The following WDR72 variants were observed in gnomAD, a reference collection of about 807,000 sequenced individuals.
WDR72 encodes WD repeat-containing protein 72.
In WDR72, 120 loss-of-function variants were observed where a neutral mutation model predicts 124.2. The ratio of observed to expected loss-of-function variants is 0.97; its 90% CI spans 0.83 to 1.12. The LOEUF (loss-of-function observed/expected upper bound fraction) is 1.12, where lower values mean the gene tolerates loss of function less well. Among genes scored for constraint, WDR72 ranks in the 50% most tolerant of loss-of-function variants. The pLI is 0.00. For missense variants in WDR72, 1,387 were observed against 1,278.8 expected (o/e 1.08, Z -1.29); for synonymous variants, 452 against 441.7 (o/e 1.02, Z -0.29).
intron 17 of WDR72, among the ~76,000 whole-genome samples, chr15:53,605,938 T>A (rs927283598): frequency 6.6e-6 from 1 of 152,190 alleles, no homozygotes; most frequent in Non-Finnish European, 1.5e-5. Context: ...GCAATACTCA[T>A]TTCCATTTTA....
chr15:53,697,516 T>C (rs2017039556), intron 13 of WDR72, among the ~76,000 whole-genome samples: 1 of 152,192 alleles, frequency 6.6e-6, no homozygotes, highest in African/African-American at 2.4e-5. Flanking sequence ...ACAACAATGT[T>C]TTCTCCTCTT....
At chr15:53,526,145 G>A (rs1052712585) in intron 18 of WDR72, among the ~76,000 whole-genome samples, 13 of 151,878 alleles carry the variant, frequency 8.6e-5, no homozygotes, top group Non-Finnish European at 1.2e-4. Context: ...GACTGTGAGG[G>A]GTAAAGACAT....
At chr15:53,576,667 G>A (rs2011630852) in intron 18 of WDR72, among the ~76,000 whole-genome samples, 1 of 151,998 alleles carries the variant, frequency 6.6e-6, no homozygotes, top group African/African-American at 2.4e-5. Context: ...GTAACCAAGT[G>A]AAAAACTCAG....
rs570192098 is a variant in WDR72, at chr15:53,687,440, T to G, written c.1765+12310A>C. On this transcript the variant is annotated intron_variant, in intron 13 of 19. Coordinates refer to ENST00000360509, the MANE Select transcript of WDR72 (RefSeq NM_182758.4). Reference sequence around the variant, plus strand: ...CAGAGAATACTACAAACACCTCTATTCAAATAAACTAGAAAATCTAGAAGA... The same window carrying G: ...CAGAGAATACTACAAACACCTCTATGCAAATAAACTAGAAAATCTAGAAGA... Among the ~76,000 whole-genome samples the G allele has an allele frequency of 1.3e-3, 186 of 145,434 alleles. 6 individuals are homozygous for G. The South Asian group carries it at 0.028, about 22-fold the overall frequency.
At chr15:53,659,725 T>G (rs908717821) in intron 14 of WDR72, among the ~76,000 whole-genome samples, 1 of 152,052 alleles carries the variant, frequency 6.6e-6, no homozygotes, top group Non-Finnish European at 1.5e-5. Flanking sequence ...GGATTAGATA[T>G]TACAGAAATT....
At chr15:53,727,358 G>A (rs975357015) in intron 2 of WDR72, among the ~76,000 whole-genome samples, 8 of 152,012 alleles carry the variant, frequency 5.3e-5, no homozygotes, top group South Asian at 2.1e-4. Flanking sequence ...ATATGTAGAT[G>A]GTAACTCAGC....
intron 2 of WDR72, among the ~76,000 whole-genome samples, chr15:53,726,508 C>T (rs1352861751): frequency 2.0e-5 from 3 of 151,954 alleles, no homozygotes; most frequent in Non-Finnish European, 4.4e-5. Flanking sequence ...AATTAACCTT[C>T]CTACATTACA....
chr15:53,745,961 G>A (rs561188139), intron 1 of WDR72, among the ~76,000 whole-genome samples: 3 of 152,172 alleles, frequency 2.0e-5, no homozygotes, highest in East Asian at 1.9e-4. Flanking sequence ...GAAATTCTTA[G>A]GGATTTGCGA....
chr15:53,659,901 C>A (rs2015552677), intron 14 of WDR72, among the ~76,000 whole-genome samples: 1 of 152,026 alleles, frequency 6.6e-6, no homozygotes, highest in South Asian at 2.1e-4. Context: ...TGGGTATTAT[C>A]ATTTAGGTAC....
chr15:53,553,994 C>T (rs1248664006), intron 18 of WDR72, among the ~76,000 whole-genome samples: 2 of 152,044 alleles, frequency 1.3e-5, no homozygotes, highest in African/African-American at 4.8e-5. Context: ...TAAATGTTTA[C>T]ATTCTTTTTG....
rs769827932 is a variant in WDR72, at chr15:53,722,840, G to A, written c.222C>T (p.Phe74=). 1.2e-5 allele frequency: 19 copies of A among 1,613,980 alleles called. No homozygotes were observed. The highest frequency in any genetic ancestry group is 1.7e-6 in the Non-Finnish European group (2 of 1,180,014). Reference sequence around the variant, plus strand: ...CACTAACAATGTAGGGCTGTTTAGAGAAGTCCCTTGCTCTTGCCAAACATG... The same window carrying A: ...CACTAACAATGTAGGGCTGTTTAGAAAAGTCCCTTGCTCTTGCCAAACATG... ...SVTCLARARD[F]SKQPYIVSAA... is the part of the protein sequence containing the mutation. The change falls in exon 3 of 20, where the codon TTC becomes TTT. Residue 74 remains phenylalanine (F), a synonymous_variant. Transcript: ENST00000360509.
At chr15:53,533,657 C>G (rs1461662011) in intron 18 of WDR72, among the ~76,000 whole-genome samples, 2 of 152,120 alleles carry the variant, frequency 1.3e-5, no homozygotes, top group Non-Finnish European at 2.9e-5. Context: ...TCTCTTTATC[C>G]TTCCAATCTC....
At chr15:53,760,498 C>A (rs9920609), upstream of WDR72, among the ~76,000 whole-genome samples, 5,013 of 152,234 alleles carry the variant, frequency 0.033, 103 homozygotes, top group African/African-American at 0.062. Context: ...CATGTTGTTG[C>A]AAATGACAGA....
intron 13 of WDR72, among the ~76,000 whole-genome samples, chr15:53,693,397 T>C (rs1310302570): frequency 6.6e-6 from 1 of 152,124 alleles, no homozygotes; most frequent in Non-Finnish European, 1.5e-5. Flanking sequence ...AAAACGTGTC[T>C]TGCACATATT....
Position 53,722,888 on chromosome 15 carries a change from T to A in WDR72, c.174A>T (p.Leu58=), listed in dbSNP as rs775183089. 9.9e-6 allele frequency: 16 copies of A among 1,614,080 alleles called. No individual in the cohort carries two copies. The highest frequency in any genetic ancestry group is 1.4e-5 in the Non-Finnish European group (16 of 1,179,976). Residue 58 remains leucine, a synonymous_variant, in exon 3 of 20, where the codon CTA becomes CTT. Transcript: ENST00000360509. ...ATGTTACCGAAGCTGAATGACCAAA[T>A]AGGAGTTCTTTCGCTGAAATCTGAA... ...HELKISAKEL[L]FGHSASVTCL... is the part of the protein sequence containing the mutation.
At chr15:53,665,436 G>A (rs2015743979) in intron 14 of WDR72, 136 bp downstream of exon 14, 2 of 954,560 alleles carry the variant, frequency 2.1e-6, no homozygotes, top group Admixed American at 4.1e-5. Context: ...ATTCACCCAA[G>A]ATTACTTGGT....
intron 19 of WDR72, among the ~76,000 whole-genome samples, chr15:53,523,007 A>T (rs1400513211): frequency 6.6e-6 from 1 of 152,042 alleles, no homozygotes; most frequent in Non-Finnish European, 1.5e-5. Flanking sequence ...TCAGTCATAA[A>T]GCCTTTGTAC....
intron 14 of WDR72, among the ~76,000 whole-genome samples, chr15:53,649,076 C>T (rs1307145411): frequency 6.6e-6 from 1 of 152,062 alleles, no homozygotes; most frequent in African/African-American, 2.4e-5. Flanking sequence ...TTCTTGTGGC[C>T]TATTATAGTC....
rs147576432 is a variant in WDR72, at chr15:53,711,630, A to T, written c.712-149T>A. 1,889 of 909,964 alleles carry T rather than the reference A, an allele frequency of 2.1e-3. 6 individuals are homozygous for T. Among genetic ancestry groups the T allele is most frequent in the Middle Eastern group, 0.01 (30 of 2,996 alleles). 56.4% of individuals were successfully genotyped at this position (909,964 alleles called of 1,614,324 possible). ...TCTCATATTAAGATGATATTTTACC[A>T]TGACTTATTGACTTATATTTATCTT... is the stretch of plus-strand genomic sequence containing the variant. On this transcript the variant is annotated intron_variant, in intron 7 of 19. Transcript: ENST00000360509.
Sources: allele counts gnomAD v4.1 joint callset (sites outside exome capture counted in the v4.1 genomes callset), GRCh38; gene constraint gnomAD v4.1.1; transcripts MANE v1.5; gene names NCBI Gene and HGNC (gene_info 2026-07-23, HGNC 2026-07-21).